The following RBPMS variants were observed in gnomAD, a reference collection of about 807,000 sequenced individuals.
The protein encoded by RBPMS is RNA binding protein, mRNA processing factor, also known as RNA-binding protein with multiple splicing.
RBPMS carries 7 observed loss-of-function variants against 26.8 expected under a neutral mutation model. That is an observed-to-expected ratio of 0.26 (90% CI 0.15 to 0.49). The LOEUF is 0.49. Ranked by LOEUF, RBPMS falls within the 20% of genes least tolerant of loss-of-function variation. The probability of loss-of-function intolerance (pLI) is 0.98; values close to 1 mark genes in which losing one functional copy is unlikely to be tolerated. For synonymous variants in RBPMS, 96 were observed against 93.3 expected (o/e 1.03, Z -0.17); for missense variants, 186 against 250.0 (o/e 0.74, Z 1.73).
chr8:30,514,680 C>CTTTTTTTTTTTTTTTTTTTTTTTT (rs577244764), intron 5 of RBPMS, among the ~76,000 whole-genome samples: 1 of 82,650 alleles, frequency 1.2e-5, no homozygotes, highest in African/African-American at 5.3e-5. Flanking sequence ...CCATGCCGGG[C>CTTTTTTTTTTTTTTTTTTTTTTTT]TTTTTTTTTT....
At chr8:30,477,238 A>G (rs1162479965) in intron 2 of RBPMS, among the ~76,000 whole-genome samples, 2 of 152,152 alleles carry the variant, frequency 1.3e-5, no homozygotes, top group Non-Finnish European at 2.9e-5. Flanking sequence ...TATTTTTAGT[A>G]GAGATGGGGT....
At position 30,544,641 on chromosome 8, in the gene RBPMS, G is replaced by C. The variant is rs766578325; in HGVS notation, c.528+17G>C. ...CATGCCCAGGTAATTGATACCCATCGGCCAGGACTTCACTCACTTCACCAC... is the reference window on the plus strand; with the variant it reads ...CATGCCCAGGTAATTGATACCCATCCGCCAGGACTTCACTCACTTCACCAC... On this transcript the variant is annotated intron_variant, in intron 6 of 8. Coordinates refer to ENST00000397323, the MANE Select transcript of RBPMS (RefSeq NM_001008710.3). The C allele has an allele frequency of 6.2e-7, 1 of 1,613,368 alleles. No homozygotes were observed. Among genetic ancestry groups the C allele is most frequent in the Admixed American group, 1.7e-5 (1 of 59,992 alleles).
intron 8 of RBPMS, among the ~76,000 whole-genome samples, chr8:30,570,284 C>CTGA (rs1828183712): frequency 6.6e-6 from 1 of 152,204 alleles, no homozygotes; most frequent in Non-Finnish European, 1.5e-5. Flanking sequence ...GTATGCTGAG[C>CTGA]TGATTGATTG....
chr8:30,391,979 TG>T (rs962016811), intron 1 of RBPMS, among the ~76,000 whole-genome samples: 2 of 152,018 alleles, frequency 1.3e-5, no homozygotes, highest in African/African-American at 4.8e-5. Flanking sequence ...GCTGCTTTGA[TG>T]GGGAAGTGGC....
chr8:30,530,122 A>G (rs544305003), intron 5 of RBPMS, among the ~76,000 whole-genome samples: 1 of 152,314 alleles, frequency 6.6e-6, no homozygotes, highest in East Asian at 1.9e-4. Context: ...TGGTTTATCC[A>G]TTCATTTGTT....
intron 1 of RBPMS, among the ~76,000 whole-genome samples, chr8:30,453,506 A>T (rs936759641): frequency 2.6e-5 from 4 of 152,230 alleles, no homozygotes; most frequent in African/African-American, 9.6e-5. Context: ...GGGGTGTCTC[A>T]GAAGAATTGT....
At chr8:30,462,889 C>T (rs1021998391) in intron 1 of RBPMS, among the ~76,000 whole-genome samples, 2 of 151,998 alleles carry the variant, frequency 1.3e-5, no homozygotes, top group African/African-American at 2.4e-5. Flanking sequence ...GAAATTTGCC[C>T]GCGGCCTTTT....
intron 8 of RBPMS, among the ~76,000 whole-genome samples, chr8:30,567,941 A>C (rs563720148): frequency 2.6e-5 from 4 of 152,104 alleles, no homozygotes; most frequent in African/African-American, 9.7e-5. Context: ...TCTCTTCCCA[A>C]ATCTGAGGTC....
intron 1 of RBPMS, among the ~76,000 whole-genome samples, chr8:30,385,781 C>T (rs1405555862): frequency 6.6e-6 from 1 of 152,248 alleles, no homozygotes; most frequent in South Asian, 2.1e-4. Context: ...GGGTTAAAAA[C>T]GCAGCAATTC....
At chr8:30,487,706 T>C (rs1253955392) in intron 4 of RBPMS, among the ~76,000 whole-genome samples, 1 of 152,056 alleles carries the variant, frequency 6.6e-6, no homozygotes, top group Non-Finnish European at 1.5e-5. Flanking sequence ...ATAATAAATA[T>C]GAGACTAGGA....
intron 1 of RBPMS, among the ~76,000 whole-genome samples, chr8:30,461,100 T>C (rs529658003): frequency 3.9e-5 from 6 of 151,956 alleles, no homozygotes; most frequent in African/African-American, 1.2e-4. Context: ...GGTGGGACTT[T>C]AAAGTAAAAA....
chr8:30,450,194 G>A (rs994632846), intron 1 of RBPMS, among the ~76,000 whole-genome samples: 12 of 152,182 alleles, frequency 7.9e-5, no homozygotes, highest in Non-Finnish European at 1.5e-4. Flanking sequence ...TAAAATCAAC[G>A]AGCATAGTAA....
intron 1 of RBPMS, among the ~76,000 whole-genome samples, chr8:30,389,084 G>T (rs1168299485): frequency 6.6e-6 from 1 of 152,192 alleles, no homozygotes; most frequent in Non-Finnish European, 1.5e-5. Context: ...TTTTCATTGA[G>T]CATTAAAGTC....
At chr8:30,555,574 AGAG>A (rs1156607731) in intron 6 of RBPMS, among the ~76,000 whole-genome samples, 1 of 152,166 alleles carries the variant, frequency 6.6e-6, no homozygotes, top group African/African-American at 2.4e-5. Flanking sequence ...GAGAAGAGAG[AGAG>A]GGTGTGTGTT....
At chr8:30,525,021 G>A (rs1287418446) in intron 5 of RBPMS, among the ~76,000 whole-genome samples, 1 of 152,096 alleles carries the variant, frequency 6.6e-6, no homozygotes, top group African/African-American at 2.4e-5. Context: ...TGTGTTTGAT[G>A]TGTCATTAAA....
Position 30,504,272 on chromosome 8 carries a change from C to A in RBPMS, c.247-14C>A. The A allele has an allele frequency of 2.5e-6, 4 of 1,613,650 alleles. No homozygotes were observed. The highest frequency in any genetic ancestry group is 3.4e-6 in the Non-Finnish European group (4 of 1,179,622). On this transcript the variant is annotated splice_polypyrimidine_tract_variant and intron_variant, in intron 4 of 8. Coordinates refer to ENST00000397323, the MANE Select transcript of RBPMS (RefSeq NM_001008710.3). ...GAAATGAAAACATCTTCCATTTGTT[C>A]TCTGTTTCCAAAGGGCATCCGCTTC...
At chr8:30,460,957 G>A (rs183997371) in intron 1 of RBPMS, among the ~76,000 whole-genome samples, 1 of 152,050 alleles carries the variant, frequency 6.6e-6, no homozygotes, top group Non-Finnish European at 1.5e-5. Flanking sequence ...AAGCTGAGGT[G>A]GGGGAGGATC....
intron 1 of RBPMS, among the ~76,000 whole-genome samples, chr8:30,420,325 T>G (rs1249509617): frequency 6.6e-6 from 1 of 152,164 alleles, no homozygotes; most frequent in East Asian, 1.9e-4. Context: ...AATTAAACAT[T>G]AAATGAAATT....
rs115089688 is a variant in RBPMS, at chr8:30,498,532, T to C, written c.247-5754T>C. 4.4e-3 allele frequency among the ~76,000 whole-genome samples: 667 copies of C among 152,278 alleles called. 9 individuals carry two copies. Among genetic ancestry groups the C allele is most frequent in the African/African-American group, 0.015 (638 of 41,562 alleles). The stretch of plus-strand genomic sequence containing the variant: ...AACAAATGACTAACTGTATGTCAAA[T>C]GAATAACACAACCACACTGAAGGTG... On this transcript the variant is annotated intron_variant, in intron 4 of 8. Coordinates refer to ENST00000397323, the MANE Select transcript of RBPMS (RefSeq NM_001008710.3).
Sources: gnomAD v4.1 joint callset for allele counts (sites outside exome capture counted in the v4.1 genomes callset) on GRCh38, gnomAD v4.1.1 for gene constraint, MANE v1.5 for transcripts, NCBI Gene and HGNC (gene_info 2026-07-23, HGNC 2026-07-21) for gene names.